PLXND1: variants seen among roughly 807,000 people sequenced by gnomAD.
PLXND1 encodes the protein plexin-D1.
Under a neutral mutation model 197.7 loss-of-function variants are expected in PLXND1, and 54 were observed. The observed-to-expected ratio is 0.27, with a 90% CI of 0.22 to 0.34. The LOEUF is 0.34. Among genes scored for constraint, PLXND1 ranks in the 10% least tolerant of loss-of-function variants. The pLI is 1.00. For missense variants in PLXND1, 2,127 were observed against 2,699.2 expected (o/e 0.79, Z 4.70); for synonymous variants, 1,180 against 1,161.2 (o/e 1.02, Z -0.33).
intron 1 of PLXND1, among the ~76,000 whole-genome samples, chr3:129,601,615 A>G (rs944605596): frequency 1.3e-5 from 2 of 152,174 alleles, no homozygotes; most frequent in African/African-American, 4.8e-5. Flanking sequence ...TGGGACCAGG[A>G]GAAAAAAGGA....
chr3:129,567,961 G>A (rs1456322054), intron 20 of PLXND1, among the ~76,000 whole-genome samples, 156 bp from the exon 21 acceptor site: 2 of 137,108 alleles, frequency 1.5e-5, no homozygotes, highest in Non-Finnish European at 3.2e-5. Flanking sequence ...GGTGGGGGGT[G>A]GGGAGTTGCG....
chr3:129,555,304 C>A lies in PLXND1; in HGVS notation c.*1008G>T. 1 of 548,552 alleles carries A rather than the reference C, an allele frequency of 1.8e-6. No homozygotes were observed. The highest frequency in any genetic ancestry group is 3.2e-6 in the Non-Finnish European group (1 of 316,110). The allele number at this position is 548,552 out of a possible 1,614,324, so 34.0% of individuals were successfully genotyped here. ...CCCATGGGCTCTGAGCCAGTCCCAA[C>A]ACTGGCTGAGTTGGCTGCGAGGGGC... On this transcript the variant is annotated 3_prime_UTR_variant, in exon 36 of 36. Transcript: ENST00000324093.
intron 19 of PLXND1, among the ~76,000 whole-genome samples, chr3:129,570,198 A>G (rs746412273): frequency 9.2e-5 from 14 of 152,132 alleles, no homozygotes; most frequent in Non-Finnish European, 1.5e-4. Flanking sequence ...GGCTGTGATT[A>G]TCATTACAGC....
chr3:129,558,969 A>G lies in PLXND1; in HGVS notation c.5298-394T>C, dbSNP rs967790236. ...CAGGGCTGTGGGGGGCAGGGCCTGGAGCTCTGGCCTTGTCCTCAAGAGGCC... is the reference window on the plus strand; with the variant it reads ...CAGGGCTGTGGGGGGCAGGGCCTGGGGCTCTGGCCTTGTCCTCAAGAGGCC... On this transcript the variant is annotated intron_variant, in intron 32 of 35. Coordinates refer to ENST00000324093, the MANE Select transcript of PLXND1 (RefSeq NM_015103.3). This position sits in a 1 kb window ranked among gnomAD's most constrained non-coding sequence, Gnocchi z 4.1. Among the ~76,000 whole-genome samples the G allele has an allele frequency of 6.6e-6, 1 of 152,044 alleles. No individual in the cohort carries two copies. Among genetic ancestry groups the G allele is most frequent in the East Asian group, 1.9e-4 (1 of 5,182 alleles).
intron 1 of PLXND1, among the ~76,000 whole-genome samples, chr3:129,601,655 A>G (rs568299936): frequency 1.3e-5 from 2 of 152,228 alleles, no homozygotes; most frequent in Admixed American, 1.3e-4. Flanking sequence ...CCCAGACCAA[A>G]CTCATCCTCT....
chr3:129,561,966 C>T (rs1433040459), intron 27 of PLXND1, 63 bp from the exon 28 acceptor site: 34 of 1,105,892 alleles, frequency 3.1e-5, no homozygotes, highest in East Asian at 7.1e-5. Flanking sequence ...GGGTAGGTAC[C>T]GGCCCAGCCA....
chr3:129,606,282 G>A lies in PLXND1; in HGVS notation c.358C>T (p.Leu120Phe). The A allele has an allele frequency of 6.5e-7, 1 of 1,535,182 alleles. No homozygotes were observed. The highest frequency in any genetic ancestry group is 2.5e-5 in the East Asian group (1 of 39,600). The change falls in exon 1 of 36, where the codon CTC becomes TTC. Residue 120 changes from leucine to phenylalanine, a missense_variant. By Grantham distance (22) the Leu-to-Phe change is conservative (BLOSUM62 0). Transcript: ENST00000324093. The part of the protein sequence containing the change: ...PQASCEHPRR[L>F]TDNYNKILQL... ...AGGATCTTGTTGTAGTTGTCCGTGA[G>A]GCGCCGCGGGTGCTCGCACGAGGCC...
In PLXND1 at chr3:129,567,776, G is replaced by T; in HGVS notation, c.3895C>A (p.Arg1299Ser). Residue 1299 changes from arginine to serine, a missense_variant, in exon 21 of 36, where the codon CGT (arginine) becomes AGT (serine). This residue lies in a region of PLXND1 where 532 missense variants were observed against 811.0 expected (regional missense o/e 0.66). Coordinates refer to ENST00000324093, the MANE Select transcript of PLXND1 (RefSeq NM_015103.3). ...GTCTTCTGCCAGTAACGCTCAGCAC[G>T]TCGGCTCTTGGTACAGAAGACGAAC... ...ALFVFCTKSR[R>S]AERYWQKTLL... The T allele has an allele frequency of 6.2e-7, 1 of 1,612,830 alleles. No homozygotes were observed.
intron 2 of PLXND1, 43 bp from the exon 3 acceptor site, chr3:129,586,762 G>T: frequency 6.3e-7 from 1 of 1,585,048 alleles, no homozygotes; most frequent in East Asian, 2.3e-5. Context: ...CCCATAGCAG[G>T]GGAGGCCAAA....
intron 11 of PLXND1, among the ~76,000 whole-genome samples, chr3:129,574,990 G>A (rs960169845): frequency 9.9e-5 from 15 of 152,192 alleles, no homozygotes; most frequent in Admixed American, 6.5e-4. Flanking sequence ...CCAGGACCTT[G>A]GGTATGCAGG....
At chr3:129,597,529 T>A (rs749041033) in intron 1 of PLXND1, among the ~76,000 whole-genome samples, 34 of 152,108 alleles carry the variant, frequency 2.2e-4, no homozygotes, top group Non-Finnish European at 4.3e-4. Context: ...GCTACATGAT[T>A]AACGCCCCAC....
intron 27 of PLXND1, 75 bp downstream of exon 27, chr3:129,562,712 G>C: frequency 7.3e-7 from 1 of 1,377,658 alleles, no homozygotes; most frequent in Non-Finnish European, 9.9e-7. Context: ...GGTGAAAGGA[G>C]TGTTTCCCGT....
At position 129,589,446 on chromosome 3, in the gene PLXND1, C is replaced by T. The variant is rs143746898; in HGVS notation, c.1393G>A (p.Val465Met). The T allele has an allele frequency of 1.9e-5, 31 of 1,611,324 alleles. 1 individual carries two copies. The highest frequency in any genetic ancestry group is 1.4e-4 in the South Asian group (13 of 90,838). ...GAGGTGAGGCCCGGGGCGCGGAACA[C>T]GGGCGTGGCCTTCAGGGGCTGCAGG... Reference protein sequence around the residue: ...SILQPLKATPVFRAPGLTSVA... With the variant: ...SILQPLKATPMFRAPGLTSVA... Residue 465 changes from valine (V) to methionine (M), a missense_variant, in exon 2 of 36, where the codon GTG (valine) becomes ATG (methionine). Physicochemically the swap from Val to Met is conservative, Grantham distance 21. Around this residue, in one of 6 missense-constraint regions of PLXND1, gnomAD observed 1,095 missense variants for 1,259.8 expected, o/e 0.87. Transcript: ENST00000324093.
chr3:129,558,305 C>G lies in PLXND1; in HGVS notation c.5445+123G>C. 1 of 931,726 alleles carries G rather than the reference C, an allele frequency of 1.1e-6. No individual in the cohort carries two copies. The highest frequency in any genetic ancestry group is 1.6e-6 in the Non-Finnish European group (1 of 614,150). The allele number at this position is 931,726 out of a possible 1,614,324, so 57.7% of individuals were successfully genotyped here. Reference sequence around the variant, plus strand: ...ATCCCACATCCCCTAGACCTGAGATCTTTTGGTTCCCCTCCCAGGAAGATC... The same window carrying G: ...ATCCCACATCCCCTAGACCTGAGATGTTTTGGTTCCCCTCCCAGGAAGATC... On this transcript the variant is annotated intron_variant, in intron 33 of 35. Coordinates refer to ENST00000324093, the MANE Select transcript of PLXND1 (RefSeq NM_015103.3). This position sits in a 1 kb window ranked among gnomAD's most constrained non-coding sequence, Gnocchi z 4.1.
In PLXND1 at chr3:129,586,219, G is replaced by T; in HGVS notation, c.1674C>A (p.Cys558Ter). Reference sequence around the variant, plus strand: ...CGCAGTAGGCGTCCGCCGCACCCACGCAGTCCCCACAGGTGGAGTGCACGT... The same window carrying T: ...CGCAGTAGGCGTCCGCCGCACCCACTCAGTCCCCACAGGTGGAGTGCACGT... The part of the protein sequence containing the change: ...ACNVHSTCGD[C>*]VGAADAYCGW... The change falls in exon 4 of 36, where the codon TGC becomes TGA. Residue 558 changes from cysteine (C) to a stop codon, truncating the protein, a stop_gained. Transcript: ENST00000324093. LOFTEE classifies it high-confidence loss of function. The T allele has an allele frequency of 6.2e-7, 1 of 1,602,156 alleles. No individual in the cohort carries two copies. Among genetic ancestry groups the T allele is most frequent in the Non-Finnish European group, 8.5e-7 (1 of 1,177,984 alleles).
chr3:129,574,137 C>T (rs762118617), intron 12 of PLXND1, among the ~76,000 whole-genome samples, 199 bp downstream of exon 12: 14 of 152,212 alleles, frequency 9.2e-5, no homozygotes, highest in Non-Finnish European at 1.6e-4. Context: ...TTATTCATTT[C>T]CTTATTTATT....
intron 5 of PLXND1, 102 bp from the exon 6 acceptor site, chr3:129,584,664 C>T: frequency 8.8e-7 from 1 of 1,132,930 alleles, no homozygotes; most frequent in Non-Finnish European, 1.3e-6. Context: ...CCTGAATGTC[C>T]CCTGGGGGAA....
chr3:129,584,163 G>A lies in PLXND1; in HGVS notation c.2100C>T (p.Tyr700=), dbSNP rs368260922. The change falls in exon 7 of 36, where the codon TAC becomes TAT. Residue 700 remains tyrosine, a synonymous_variant. Transcript: ENST00000324093. ...RNIVKANFTI[Y]DCSRTAQVYP... ...ACACTTGTGCAGTGCGGCTGCAGTC[G>A]TAGATGGTGAAATTGGCCTTGACGA... 176 of 1,573,362 alleles carry A rather than the reference G, an allele frequency of 1.1e-4. 1 individual carries two copies. Among genetic ancestry groups the A allele is most frequent in the Middle Eastern group, 8.3e-4 (5 of 6,018 alleles).
At chr3:129,594,535 G>A (rs577836530) in intron 1 of PLXND1, among the ~76,000 whole-genome samples, 6 of 152,138 alleles carry the variant, frequency 3.9e-5, no homozygotes, top group Admixed American at 2.0e-4. Flanking sequence ...CATCCTGGCC[G>A]GGGACTGGGC....
Sources: gnomAD v4.1 joint callset for allele counts (sites outside exome capture counted in the v4.1 genomes callset) on GRCh38, gnomAD v4.1.1 for gene constraint, gnomAD v4.1.1 regional missense constraint, Gnocchi (gnomAD v3.1) non-coding constraint, MANE v1.5 for transcripts, NCBI Gene and HGNC (gene_info 2026-07-23, HGNC 2026-07-21) for gene names.